Variants in PPP1R13B observed in about 807,000 individuals in gnomAD.
PPP1R13B encodes apoptosis-stimulating of p53 protein 1.
PPP1R13B carries 44 observed loss-of-function variants against 119.8 expected under a neutral mutation model. That is an observed-to-expected ratio of 0.37 (90% CI 0.29 to 0.47). The LOEUF (loss-of-function observed/expected upper bound fraction) is 0.47, where lower values mean the gene tolerates loss of function less well. PPP1R13B is among the 20% of genes least tolerant of loss of function. PPP1R13B has a pLI of 0.99. For synonymous variants in PPP1R13B, 542 were observed against 561.5 expected (o/e 0.97, Z 0.49); for missense variants, 1,227 against 1,413.5 (o/e 0.87, Z 2.12).
chr14:103,774,686 T>C (rs2085145093), intron 4 of PPP1R13B, among the ~76,000 whole-genome samples: 1 of 152,142 alleles, frequency 6.6e-6, no homozygotes, highest in Non-Finnish European at 1.5e-5. Flanking sequence ...AATCTATCCT[T>C]AGATGTCTCA....
intron 2 of PPP1R13B, among the ~76,000 whole-genome samples, chr14:103,796,401 T>A (rs917268705): frequency 2.6e-5 from 4 of 152,114 alleles, no homozygotes; most frequent in Non-Finnish European, 4.4e-5. Flanking sequence ...ATTAGGGAAA[T>A]GCAAATCACA....
intron 1 of PPP1R13B, 92 bp from the exon 2 acceptor site, chr14:103,797,610 G>T: frequency 1.8e-6 from 1 of 563,976 alleles, no homozygotes; most frequent in Non-Finnish European, 2.7e-6. Context: ...CCCACCCCCC[G>T]CCCCCAAAAT....
intron 1 of PPP1R13B, 183 bp downstream of exon 1, chr14:103,847,091 GCGGCCCCGGCCCCGCGCTGACAGCC>G: frequency 2.0e-6 from 2 of 991,920 alleles, no homozygotes; most frequent in Non-Finnish European, 2.4e-6. Flanking sequence ...GGGCCCGCAG[GCGGCCCCGGCCCCGCGCTGACAGCC>G]CGGCGCCGCC....
At chr14:103,777,238 C>T (rs1041538209) in intron 4 of PPP1R13B, among the ~76,000 whole-genome samples, 9 of 152,092 alleles carry the variant, frequency 5.9e-5, no homozygotes, top group South Asian at 2.1e-4. Flanking sequence ...GGTGATCCAC[C>T]GACCTTGGCC....
chr14:103,835,415 G>A (rs1427085677), intron 1 of PPP1R13B, among the ~76,000 whole-genome samples: 1 of 149,248 alleles, frequency 6.7e-6, no homozygotes, highest in Non-Finnish European at 1.5e-5. Context: ...ATGAGCCACT[G>A]CGCCCAGCAC....
intron 5 of PPP1R13B, among the ~76,000 whole-genome samples, chr14:103,757,105 C>T (rs566115718): frequency 6.6e-6 from 1 of 151,442 alleles, no homozygotes; most frequent in South Asian, 2.1e-4. Flanking sequence ...CTCTGTCACC[C>T]AGGCTGGAAT....
chr14:103,835,541 T>C (rs2152081701), intron 1 of PPP1R13B, among the ~76,000 whole-genome samples: 1 of 152,100 alleles, frequency 6.6e-6, no homozygotes, highest in Non-Finnish European at 1.5e-5. Flanking sequence ...GCGATCCTAG[T>C]GCCTTAGCCT....
intron 1 of PPP1R13B, among the ~76,000 whole-genome samples, chr14:103,828,273 G>A (rs1394055953): frequency 6.6e-6 from 1 of 151,254 alleles, no homozygotes; most frequent in Non-Finnish European, 1.5e-5. Context: ...AGAGGCAGAG[G>A]CAGGAGAATC....
At position 103,741,961 on chromosome 14, in the gene PPP1R13B, C is replaced by T. The variant is rs1349833769; in HGVS notation, c.1651G>A (p.Val551Met). 6.2e-7 allele frequency: 1 copy of T among 1,614,252 alleles called. No homozygotes were observed. Residue 551 changes from valine to methionine, a missense_variant, in exon 11 of 17, where the codon GTG (valine) becomes ATG (methionine). Coordinates refer to ENST00000202556, the MANE Select transcript of PPP1R13B (RefSeq NM_015316.3). ...TCAGCCAGGAAAGGCCTAATGGCCA[C>T]TGTCAGTGGGAGTTCAGGCTTGCTG... is the stretch of plus-strand genomic sequence containing the variant. ...GDSKPELPLT[V>M]AIRPFLADKG...
At chr14:103,791,457 T>C (rs1784480136) in intron 2 of PPP1R13B, among the ~76,000 whole-genome samples, 1 of 152,370 alleles carries the variant, frequency 6.6e-6, no homozygotes, top group Middle Eastern at 3.4e-3. Context: ...CCGGGAGCAG[T>C]GGCTCACGCC....
In PPP1R13B at chr14:103,736,135, C is replaced by A; in HGVS notation, c.3099G>T (p.Gln1033His). ...VAYALWDYEA[Q>H]NSDELSFHEG... ...CGTGGAAGGACAGCTCGTCACTGTT[C>A]TGGGCCTCGTAGTCCCACAGAGCAT... Residue 1033 changes from glutamine to histidine, a missense_variant, in exon 16 of 17, where the codon CAG becomes CAT. Transcript: ENST00000202556. The A allele has an allele frequency of 6.2e-7, 1 of 1,614,218 alleles. No individual in the cohort carries two copies. The highest frequency in any genetic ancestry group is 1.1e-5 in the South Asian group (1 of 91,086).
chr14:103,784,455 C>T (rs983327546), intron 3 of PPP1R13B, among the ~76,000 whole-genome samples: 6 of 151,064 alleles, frequency 4.0e-5, no homozygotes, highest in African/African-American at 1.2e-4. Flanking sequence ...TGGTGGTGCA[C>T]ACCTGTAGTC....
intron 1 of PPP1R13B, among the ~76,000 whole-genome samples, chr14:103,821,024 A>C (rs2086394545): frequency 6.6e-6 from 1 of 152,188 alleles, no homozygotes; most frequent in Non-Finnish European, 1.5e-5. Context: ...AGCTATCAAA[A>C]AGATCAGTCA....
intron 4 of PPP1R13B, among the ~76,000 whole-genome samples, chr14:103,767,591 C>T (rs750772910): frequency 9.9e-5 from 15 of 152,206 alleles, no homozygotes; most frequent in Non-Finnish European, 1.6e-4. Context: ...TTCTAAAACA[C>T]AGCTTGCTTA....
chr14:103,753,299 C>T lies in PPP1R13B; in HGVS notation c.632-103G>A, dbSNP rs544350806. ...ATTCTAGTATCATTTAGTGCCAGAC[C>T]GTGGAGAAAGCTGTGATATGCAGAA... On this transcript the variant is annotated intron_variant, in intron 6 of 16. Coordinates refer to ENST00000202556, the MANE Select transcript of PPP1R13B (RefSeq NM_015316.3). The T allele has an allele frequency of 2.6e-5, 31 of 1,205,426 alleles. No individual in the cohort carries two copies. The African/African-American group carries it at 3.9e-4, about 15-fold the overall frequency. The allele number at this position is 1,205,426 out of a possible 1,614,324, so 74.7% of individuals were successfully genotyped here.
intron 1 of PPP1R13B, chr14:103,818,406 A>G (rs2086328267): frequency 1.2e-6 from 1 of 824,568 alleles, no homozygotes; most frequent in African/African-American, 1.9e-5. Flanking sequence ...CTATGACCAT[A>G]ATTTCTACTC....
At chr14:103,807,015 T>C (rs1047853796) in intron 1 of PPP1R13B, among the ~76,000 whole-genome samples, 13 of 152,332 alleles carry the variant, frequency 8.5e-5, no homozygotes, top group South Asian at 2.1e-4. Context: ...GTCCTAACTA[T>C]TGTCTAAGAG....
rs550655289 is a variant in PPP1R13B at position 103,785,234 on chromosome 14, G to T, written c.158-320C>A. The stretch of plus-strand genomic sequence containing the variant: ...TGTCTCCCATTCATTTGTTTGTTTG[G>T]TTGAGATGGGGTTTTGCTCTTGTTG... On this transcript the variant is annotated intron_variant, in intron 2 of 16. Transcript: ENST00000202556. Among the ~76,000 whole-genome samples, 15 of 152,084 alleles carry T rather than the reference G, an allele frequency of 9.9e-5. 1 individual carries two copies. In the South Asian group the frequency reaches 2.7e-3, roughly 27 times the overall value.
Position 103,750,204 on chromosome 14 carries a change from C to A in PPP1R13B, c.829-270G>T, listed in dbSNP as rs559385326. Among the ~76,000 whole-genome samples, 184 of 152,106 alleles carry A rather than the reference C, an allele frequency of 1.2e-3. 2 individuals are homozygous for A. The highest frequency in any genetic ancestry group is 3.2e-3 in the African/African-American group (133 of 41,478). On this transcript the variant is annotated intron_variant, in intron 7 of 16. Coordinates refer to ENST00000202556, the MANE Select transcript of PPP1R13B (RefSeq NM_015316.3). ...CAATGATGATTACAGGAGACTAGTGCGGTGTTTGGGACTCTCAGAAACTAA... is the reference window on the plus strand; with the variant it reads ...CAATGATGATTACAGGAGACTAGTGAGGTGTTTGGGACTCTCAGAAACTAA...
Sources: gnomAD v4.1 joint callset for allele counts (sites outside exome capture counted in the v4.1 genomes callset) on GRCh38, gnomAD v4.1.1 for gene constraint, MANE v1.5 for transcripts, NCBI Gene and HGNC (gene_info 2026-07-23, HGNC 2026-07-21) for gene names.